Variants in ZNF98 observed in about 807,000 individuals in gnomAD.
The protein encoded by ZNF98 is zinc finger protein 739.
Under a neutral mutation model 12.8 loss-of-function variants are expected in ZNF98, and 8 were observed. The observed-to-expected ratio is 0.63, with a 90% CI of 0.37 to 1.13. The LOEUF (loss-of-function observed/expected upper bound fraction) is 1.13, where lower values mean the gene tolerates loss of function less well. Among genes scored for constraint, ZNF98 ranks in the 50% most tolerant of loss-of-function variants. The probability of loss-of-function intolerance (pLI) is 0.01; values close to 1 mark genes in which losing one functional copy is unlikely to be tolerated. For synonymous variants in ZNF98, 112 were observed against 223.5 expected (o/e 0.50, Z 4.45); for missense variants, 379 against 666.1 (o/e 0.57, Z 4.74).
At chr19:22,413,046 C>T (rs574988907) in intron 1 of ZNF98, among the ~76,000 whole-genome samples, 71 of 151,368 alleles carry the variant, frequency 4.7e-4, no homozygotes, top group Non-Finnish European at 8.5e-4. Flanking sequence ...GAGCGAGACT[C>T]CGTCTCAAAA....
rs148079650 is a variant in ZNF98 at position 22,404,206 on chromosome 19, C to T, written c.31-694G>A. 5.9e-4 allele frequency among the ~76,000 whole-genome samples: 90 copies of T among 152,270 alleles called. No individual in the cohort carries two copies. In the East Asian group the frequency reaches 0.015, roughly 26 times the overall value. On this transcript the variant is annotated intron_variant, in intron 1 of 3. Coordinates refer to ENST00000357774, the MANE Select transcript of ZNF98 (RefSeq NM_001098626.2). ...CTACACTCCAGCCTGGGTGACAGAGCGAGACTCCGTCTCAAAATAAAAAAA... is the reference window on the plus strand; with the variant it reads ...CTACACTCCAGCCTGGGTGACAGAGTGAGACTCCGTCTCAAAATAAAAAAA...
intron 3 of ZNF98, among the ~76,000 whole-genome samples, chr19:22,397,647 T>G (rs2145109973): frequency 6.7e-6 from 1 of 148,346 alleles, no homozygotes; most frequent in East Asian, 2.0e-4. Context: ...CAACACACTC[T>G]TGAGCATGCT....
At chr19:22,411,073 C>T (rs1015679191) in intron 1 of ZNF98, among the ~76,000 whole-genome samples, 2 of 152,096 alleles carry the variant, frequency 1.3e-5, no homozygotes, top group African/African-American at 4.8e-5. Context: ...TATTGAGTCT[C>T]GCTCTGTTGC....
In ZNF98 at chr19:22,410,797, T is replaced by A. The variant is rs79738359; in HGVS notation, c.31-7285A>T. On this transcript the variant is annotated intron_variant, in intron 1 of 3. Transcript: ENST00000357774. The stretch of plus-strand genomic sequence containing the variant: ...TGCAGGTATGGAAAGGGTCCATGAG[T>A]GGGTGTTTTAAATAAGTCCCGTCAA... Among the ~76,000 whole-genome samples, 81 of 152,236 alleles carry A rather than the reference T, an allele frequency of 5.3e-4. 2 individuals carry two copies. In the East Asian group the frequency reaches 0.015, roughly 29 times the overall value.
chr19:22,409,167 G>A (rs1032406079), intron 1 of ZNF98, among the ~76,000 whole-genome samples: 2 of 151,986 alleles, frequency 1.3e-5, no homozygotes, highest in African/African-American at 4.8e-5. Flanking sequence ...TTCAACAAAC[G>A]TGACAAAAAC....
At chr19:22,399,132 AAAT>A (rs1969430029) in intron 3 of ZNF98, among the ~76,000 whole-genome samples, 1 of 152,338 alleles carries the variant, frequency 6.6e-6, no homozygotes, top group Middle Eastern at 3.4e-3. Flanking sequence ...TGAAACTAAA[AAAT>A]AATAATAAAT....
intron 1 of ZNF98, among the ~76,000 whole-genome samples, chr19:22,408,016 A>G (rs964313729): frequency 6.6e-6 from 1 of 152,158 alleles, no homozygotes; most frequent in African/African-American, 2.4e-5. Context: ...GGTTGCAGTG[A>G]GCCGAGATCA....
At chr19:22,402,750 T>C (rs1969473354) in intron 3 of ZNF98, 39 bp downstream of exon 3, 2 of 1,474,780 alleles carry the variant, frequency 1.4e-6, no homozygotes, top group Admixed American at 2.4e-5. Context: ...GGAGCTCTCA[T>C]CTGTGTCGTC....
intron 3 of ZNF98, among the ~76,000 whole-genome samples, chr19:22,402,063 C>T (rs1316802134): frequency 6.7e-6 from 1 of 149,728 alleles, no homozygotes; most frequent in Non-Finnish European, 1.5e-5. Flanking sequence ...GTATTCCCAG[C>T]TACTCAGGAG....
intron 1 of ZNF98, among the ~76,000 whole-genome samples, chr19:22,419,657 G>A (rs1969682820): frequency 6.6e-6 from 1 of 152,088 alleles, no homozygotes; most frequent in Non-Finnish European, 1.5e-5. Flanking sequence ...AATAAGAAAA[G>A]CAAAAGTATC....
intron 1 of ZNF98, among the ~76,000 whole-genome samples, chr19:22,421,371 T>C (rs1969701555): frequency 6.6e-6 from 1 of 152,164 alleles, no homozygotes; most frequent in Non-Finnish European, 1.5e-5. Flanking sequence ...GGGGGTTGCC[T>C]TGAGACCCTG....
intron 1 of ZNF98, among the ~76,000 whole-genome samples, chr19:22,421,530 A>G (rs1969703713): frequency 6.6e-6 from 1 of 152,190 alleles, no homozygotes; most frequent in South Asian, 2.1e-4. Context: ...GGGGAAACAA[A>G]ATTCAGGCTT....
chr19:22,395,440 T>A (rs1186651553), intron 3 of ZNF98, among the ~76,000 whole-genome samples: 4 of 151,824 alleles, frequency 2.6e-5, no homozygotes, highest in Non-Finnish European at 4.4e-5. Context: ...AAATACCATA[T>A]AAACTTCAGA....
chr19:22,413,001 C>T (rs917013080), intron 1 of ZNF98, among the ~76,000 whole-genome samples: 1 of 151,562 alleles, frequency 6.6e-6, no homozygotes, highest in African/African-American at 2.4e-5. Flanking sequence ...TGCAGTGAGC[C>T]GAGATTGCAC....
chr19:22,416,101 G>A (rs1969639738), intron 1 of ZNF98, among the ~76,000 whole-genome samples: 1 of 150,718 alleles, frequency 6.6e-6, no homozygotes, highest in Admixed American at 6.6e-5. Context: ...CCAAAACCGT[G>A]TCACTGCACT....
chr19:22,412,634 A>T (rs1969591929), intron 1 of ZNF98, among the ~76,000 whole-genome samples: 1 of 129,292 alleles, frequency 7.7e-6, no homozygotes, highest in African/African-American at 3.0e-5. Flanking sequence ...TGCAGGAGTA[A>T]AATCTTAAAA....
chr19:22,401,804 G>A (rs1283948826), intron 3 of ZNF98, among the ~76,000 whole-genome samples: 3 of 151,498 alleles, frequency 2.0e-5, no homozygotes, highest in Admixed American at 2.0e-4. Context: ...TTATTAAAGT[G>A]CCGTGTTATC....
At position 22,392,254 on chromosome 19, in the gene ZNF98, A is replaced by G. The variant is rs900549349; in HGVS notation, c.981T>C (p.Cys327=). Residue 327 remains cysteine, a synonymous_variant, in exon 4 of 4, where the codon TGT becomes TGC. Transcript: ENST00000357774. ...TTGAGGACTGGCTAAAAGCTTTGCC[A>G]CATTCTTCACATTTGTAAGGTTTCT... ...AGEKPYKCEE[C]GKAFSQSSTL... 6.3e-7 allele frequency: 1 copy of G among 1,588,228 alleles called. No individual in the cohort carries two copies. The highest frequency in any genetic ancestry group is 1.4e-5 in the African/African-American group (1 of 73,502).
In ZNF98 at chr19:22,416,069, G is replaced by A. The variant is rs189720156; in HGVS notation, c.30+6126C>T. Among the ~76,000 whole-genome samples, 181 of 151,468 alleles carry A rather than the reference G, an allele frequency of 1.2e-3. 1 individual carries two copies. The highest frequency in any genetic ancestry group is 4.1e-3 in the African/African-American group (171 of 41,226). On this transcript the variant is annotated intron_variant, in intron 1 of 3. Transcript: ENST00000357774. Reference sequence around the variant, plus strand: ...TGAGGCAGGAGAACAGCTTGAACCCGGGAGGCAGAAGTTGCAGTGAGCCAA... The same window carrying A: ...TGAGGCAGGAGAACAGCTTGAACCCAGGAGGCAGAAGTTGCAGTGAGCCAA...
Sources: gnomAD v4.1 joint callset for allele counts (sites outside exome capture counted in the v4.1 genomes callset) on GRCh38, gnomAD v4.1.1 for gene constraint, MANE v1.5 for transcripts, NCBI Gene and HGNC (gene_info 2026-07-23, HGNC 2026-07-21) for gene names.